The following UBAC2 variants were observed in gnomAD, a reference collection of about 807,000 sequenced individuals.
UBAC2 encodes ubiquitin-associated domain-containing protein 2.
In UBAC2, 26 loss-of-function variants were observed where a neutral mutation model predicts 44.0. That is an observed-to-expected ratio of 0.59 (90% CI 0.43 to 0.82). The LOEUF (loss-of-function observed/expected upper bound fraction) is 0.82, where lower values mean the gene tolerates loss of function less well. UBAC2 is among the 40% of genes least tolerant of loss of function. The pLI is 0.00. For missense variants in UBAC2, 329 were observed against 419.4 expected, an observed-to-expected ratio of 0.78 and a Z score of 1.88; for synonymous variants, 155 against 154.3, an observed-to-expected ratio of 1.00 and a Z score of -0.04.
chr13:99,230,716 C>T (rs1232265127), intron 1 of UBAC2, among the ~76,000 whole-genome samples: 2 of 152,164 alleles, frequency 1.3e-5, no homozygotes, highest in Non-Finnish European at 2.9e-5. Flanking sequence ...TACACATTGT[C>T]ACTCTGAAAC....
intron 5 of UBAC2, among the ~76,000 whole-genome samples, chr13:99,315,202 C>A (rs1488615831): frequency 2.0e-5 from 3 of 152,080 alleles, no homozygotes; most frequent in Admixed American, 6.5e-5. Flanking sequence ...CCGTTACACG[C>A]CCCCTGATCC....
At position 99,320,809 on chromosome 13, in the gene UBAC2, C is replaced by T. The variant is rs530864920; in HGVS notation, c.561+2740C>T. On this transcript the variant is annotated intron_variant, in intron 6 of 8. Coordinates refer to ENST00000403766, the MANE Select transcript of UBAC2 (RefSeq NM_001144072.2). The stretch of plus-strand genomic sequence containing the variant: ...ATTTGTGAGTGTTTGATTTACACAC[C>T]ACTGACTATAGGATCCAAGCCTGAG... 2.6e-5 allele frequency among the ~76,000 whole-genome samples: 4 copies of T among 152,230 alleles called. 1 individual carries two copies. In the South Asian group the frequency reaches 6.2e-4, roughly 24 times the overall value.
intron 1 of UBAC2, among the ~76,000 whole-genome samples, chr13:99,207,812 A>G (rs2042890214): frequency 1.3e-5 from 2 of 152,062 alleles, no homozygotes; most frequent in African/African-American, 4.8e-5. Context: ...CTGCCTTCGG[A>G]ACCTGAATAC....
chr13:99,360,345 A>G (rs2045248466), intron 7 of UBAC2, among the ~76,000 whole-genome samples: 1 of 152,224 alleles, frequency 6.6e-6, no homozygotes, highest in Non-Finnish European at 1.5e-5. Context: ...TTCTATTTTA[A>G]ATGTTTCACA....
intron 1 of UBAC2, among the ~76,000 whole-genome samples, chr13:99,237,107 A>C (rs1018668802): frequency 1.3e-5 from 2 of 152,216 alleles, no homozygotes; most frequent in Admixed American, 1.3e-4. Flanking sequence ...CAAAATGTGG[A>C]ATCAACTGAA....
At chr13:99,201,202 C>T (rs2042792372) in intron 1 of UBAC2, 1 of 1,425,430 alleles carries the variant, frequency 7.0e-7, no homozygotes, top group East Asian at 2.5e-5. Flanking sequence ...GCCCAGGAGT[C>T]TCTTGGGGCC....
At chr13:99,255,519 G>A in intron 4 of UBAC2, 2 of 1,614,140 alleles carry the variant, frequency 1.2e-6, no homozygotes, top group Non-Finnish European at 1.7e-6. Flanking sequence ...CCATGTATCT[G>A]TCAGCACTAA....
intron 2 of UBAC2, among the ~76,000 whole-genome samples, 157 bp from the exon 3 acceptor site, chr13:99,243,675 C>T (rs1302444564): frequency 6.6e-6 from 1 of 152,116 alleles, no homozygotes; most frequent in Non-Finnish European, 1.5e-5. Flanking sequence ...GAGACTTGAG[C>T]TCAGAGAACA....
At chr13:99,254,601 C>T in intron 4 of UBAC2, 1 of 251,202 alleles carries the variant, frequency 4.0e-6, no homozygotes, top group African/African-American at 2.2e-5. Flanking sequence ...GCTCGATTTC[C>T]CCCCTACTGA....
At chr13:99,306,662 C>A (rs1413525079) in intron 4 of UBAC2, among the ~76,000 whole-genome samples, 1 of 152,156 alleles carries the variant, frequency 6.6e-6, no homozygotes, top group Non-Finnish European at 1.5e-5. Context: ...GCATAGAATT[C>A]ATTGTGATTT....
chr13:99,354,635 C>A (rs985972821), intron 7 of UBAC2, among the ~76,000 whole-genome samples: 1 of 151,584 alleles, frequency 6.6e-6, no homozygotes, highest in Non-Finnish European at 1.5e-5. Flanking sequence ...ACAGTTTGAG[C>A]CGACATAGTA....
chr13:99,377,934 T>C (rs1415574865), intron 8 of UBAC2, among the ~76,000 whole-genome samples: 1 of 152,242 alleles, frequency 6.6e-6, no homozygotes. Flanking sequence ...CCTGCCACCC[T>C]GCGCTGGAGT....
At chr13:99,349,290 C>G (rs1159001838) in intron 7 of UBAC2, among the ~76,000 whole-genome samples, 2 of 152,232 alleles carry the variant, frequency 1.3e-5, no homozygotes, top group African/African-American at 4.8e-5. Flanking sequence ...TTCTCTACCA[C>G]TGGCCCCTGA....
intron 4 of UBAC2, among the ~76,000 whole-genome samples, chr13:99,305,960 A>T (rs1417914035): frequency 6.6e-6 from 1 of 152,122 alleles, no homozygotes; most frequent in East Asian, 1.9e-4. Flanking sequence ...CAGTGGCGCA[A>T]TCTCGGCTCA....
chr13:99,381,041 CAT>C (rs879465750), intron 8 of UBAC2, among the ~76,000 whole-genome samples: 6 of 152,264 alleles, frequency 3.9e-5, no homozygotes, highest in Admixed American at 3.3e-4. Flanking sequence ...CACCGCGGCA[CAT>C]GTCGTTCATG....
rs1279749752 is a variant in UBAC2, at chr13:99,295,179, G to T, written c.390-18918G>T. The T allele has an allele frequency of 3.1e-6, 5 of 1,614,086 alleles. No homozygotes were observed. The African/African-American group carries it at 4.0e-5, about 13-fold the overall frequency. On this transcript the variant is annotated intron_variant, in intron 4 of 8. Transcript: ENST00000403766. The surrounding 1 kb of genome is among the most constrained non-coding windows in gnomAD (Gnocchi z 4.1). ...ATCGATACACTGACTTGCCGTTTCAGCATCCTCATAACCTTTCTCTTATAC... is the reference window on the plus strand; with the variant it reads ...ATCGATACACTGACTTGCCGTTTCATCATCCTCATAACCTTTCTCTTATAC...
At chr13:99,217,411 C>T (rs2043009683) in intron 1 of UBAC2, among the ~76,000 whole-genome samples, 1 of 152,224 alleles carries the variant, frequency 6.6e-6, no homozygotes, top group South Asian at 2.1e-4. Context: ...TCTGCCTGCC[C>T]TCTTTCTCCA....
chr13:99,283,698 A>C (rs1448353436), intron 4 of UBAC2, among the ~76,000 whole-genome samples: 1 of 141,856 alleles, frequency 7.0e-6, no homozygotes, highest in Non-Finnish European at 1.5e-5. Context: ...CATTTCCTTA[A>C]TGCCTTAATG....
intron 4 of UBAC2, 117 bp from the exon 5 acceptor site, chr13:99,313,980 C>A: frequency 1.0e-6 from 1 of 993,684 alleles, no homozygotes; most frequent in Non-Finnish European, 1.5e-6. Context: ...ATATGTATAT[C>A]TAAGACCATG....
Sources: gnomAD v4.1 joint callset for allele counts (sites outside exome capture counted in the v4.1 genomes callset) on GRCh38, gnomAD v4.1.1 for gene constraint, Gnocchi (gnomAD v3.1) non-coding constraint, MANE v1.5 for transcripts, NCBI Gene and HGNC (gene_info 2026-07-23, HGNC 2026-07-21) for gene names.